Variants in MXRA5 observed in about 807,000 individuals in gnomAD.
The protein encoded by MXRA5 is matrix remodeling associated 5.
Under a neutral mutation model 112.5 loss-of-function variants are expected in MXRA5, and 41 were observed. That is an observed-to-expected ratio of 0.36 (90% CI 0.28 to 0.47). MXRA5 has a LOEUF of 0.47. Ranked by LOEUF, MXRA5 falls within the 20% of genes least tolerant of loss-of-function variation. The probability of loss-of-function intolerance (pLI) is 0.99; values close to 1 mark genes in which losing one functional copy is unlikely to be tolerated. For missense variants in MXRA5, 2,150 were observed against 2,251.0 expected (o/e 0.96, Z 0.91); for synonymous variants, 862 against 900.8 (o/e 0.96, Z 0.77).
At chrX:3,334,051 G>A (rs1260704864) in intron 2 of MXRA5, among the ~76,000 whole-genome samples, 2 of 111,448 alleles carry the variant, frequency 1.8e-5, no homozygotes, top group Non-Finnish European at 3.8e-5. Context: ...GCACAATCTT[G>A]GCTCACTGCA....
intron 4 of MXRA5, among the ~76,000 whole-genome samples, chrX:3,326,589 T>G: frequency 9.2e-6 from 1 of 108,629 alleles, no homozygotes; most frequent in Middle Eastern, 4.9e-3. Context: ...TATATCTATA[T>G]TTATAACTCT....
At chrX:3,330,554 G>A (rs1273177259) in intron 3 of MXRA5, 90 bp downstream of exon 3, 7 of 1,132,246 alleles carry the variant, frequency 6.2e-6, no homozygotes, top group Non-Finnish European at 8.2e-6. Context: ...CCGTTTTATT[G>A]ATCATTAAGG....
At chrX:3,313,595 G>A (rs1310545021) in intron 6 of MXRA5, among the ~76,000 whole-genome samples, 1 of 112,562 alleles carries the variant, frequency 8.9e-6, no homozygotes, top group Non-Finnish European at 1.9e-5. Flanking sequence ...GGCAGAGCCT[G>A]CTCTTTGACA....
chrX:3,309,618 G>C lies in MXRA5; in HGVS notation c.*98C>G, dbSNP rs1210417012. 4 of 730,472 alleles carry C rather than the reference G, an allele frequency of 5.5e-6. No individual in the cohort carries two copies. In the Admixed American group the frequency reaches 1.3e-4, roughly 23 times the overall value. The allele number at this position is 730,472 out of a possible 1,213,427, so 60.2% of individuals were successfully genotyped here. ...AACCCACCAGAGGCCACCATGCACT[G>C]TGACACATTATTTAAGAGCTCCTAT... On this transcript the variant is annotated 3_prime_UTR_variant, in exon 7 of 7. Coordinates refer to ENST00000217939, the MANE Select transcript of MXRA5 (RefSeq NM_015419.4).
Position 3,310,977 on chromosome X carries a change from T to C in MXRA5, c.7226A>G (p.Gln2409Arg). The C allele has an allele frequency of 2.5e-6, 3 of 1,211,657 alleles. No homozygotes were observed. The highest frequency in any genetic ancestry group is 3.4e-6 in the Non-Finnish European group (3 of 895,506). Residue 2409 changes from glutamine (Q) to arginine (R), a missense_variant, in exon 7 of 7, where the codon CAG becomes CGG. By Grantham distance (43) the Gln-to-Arg change is conservative. This residue lies in a region of MXRA5 where 1,485 missense variants were observed against 1,471.6 expected (regional missense o/e 1.01). Transcript: ENST00000217939. ...GGTGTAGTTGCCGCTGTCAGAACGC[T>C]GGGCTTTCTGAATAAGGAGAGTGCC... ...QDGTLLIQKA[Q>R]RSDSGNYTCL... is the part of the protein sequence containing the mutation.
In MXRA5 at chrX:3,311,491, C is replaced by A. The variant is rs1418695076; in HGVS notation, c.6712G>T (p.Val2238Leu). ...TCAATCTTGGCCGGTTTCATCACCA[C>A]ATCCACTTTGAGCACCACGTAGTCA... ...GDDYVVLKVDVVMKPAKIEHK... is the reference protein window; with the variant it reads ...GDDYVVLKVDLVMKPAKIEHK... The change falls in exon 7 of 7, where the codon GTG becomes TTG. Residue 2238 changes from valine to leucine, a missense_variant. Val to Leu is a conservative substitution (Grantham distance 32). Around this residue, in one of 6 missense-constraint regions of MXRA5, gnomAD observed 1,485 missense variants for 1,471.6 expected, o/e 1.01. Transcript: ENST00000217939. The A allele has an allele frequency of 8.3e-7, 1 of 1,210,197 alleles. No individual in the cohort carries two copies. Among genetic ancestry groups the A allele is most frequent in the East Asian group, 3.0e-5 (1 of 33,775 alleles).
chrX:3,343,150 C>A (rs1224058476), intron 2 of MXRA5, among the ~76,000 whole-genome samples: 1 of 112,458 alleles, frequency 8.9e-6, no homozygotes, highest in Non-Finnish European at 1.9e-5. Flanking sequence ...TTTAAAAAGA[C>A]GTTGATATTT....
At chrX:3,326,144 GTAATATATAATTTATAATTATAATTTA>G (rs1397652972) in intron 4 of MXRA5, among the ~76,000 whole-genome samples, 2 of 262 alleles carry the variant, frequency 7.6e-3, no homozygotes, top group Admixed American at 0.062. Flanking sequence ...TAAATTATAT[GTAATATATAATTTATAATTATAATTTA>G]TAATATATAA....
At chrX:3,331,728 T>C (rs1307057876) in intron 2 of MXRA5, among the ~76,000 whole-genome samples, 4 of 112,241 alleles carry the variant, frequency 3.6e-5, no homozygotes, top group Non-Finnish European at 7.5e-5. Flanking sequence ...TTTTAAATTT[T>C]TGGTTTTTTG....
rs760108956 is a variant in MXRA5 at position 3,320,571 on chromosome X, T to G, written c.5114A>C (p.Asn1705Thr). 1 of 1,210,385 alleles carries G rather than the reference T, an allele frequency of 8.3e-7. No individual in the cohort carries two copies. Among genetic ancestry groups the G allele is most frequent in the African/African-American group, 1.7e-5 (1 of 57,261 alleles). ...FNGYSKVFGN[N>T]NIPEARNPVG... ...TGGGTTTCTTGCCTCAGGGATGTTG[T>G]TATTTCCAAACACTTTGGAGTAGCC... The change falls in exon 5 of 7, where the codon AAC (asparagine) becomes ACC (threonine). Residue 1705 changes from asparagine (N) to threonine (T), a missense_variant. Physicochemically the swap from Asn to Thr is moderately conservative, Grantham distance 65 (BLOSUM62 0). Transcript: ENST00000217939.
At chrX:3,329,709 C>A (rs1181305699) in intron 4 of MXRA5, among the ~76,000 whole-genome samples, 1 of 111,693 alleles carries the variant, frequency 9.0e-6, no homozygotes, top group Non-Finnish European at 1.9e-5. Context: ...CATTAAGCTG[C>A]AGTCCAAGGC....
intron 6 of MXRA5, among the ~76,000 whole-genome samples, chrX:3,315,385 G>GA: frequency 5.2e-5 from 2 of 38,137 alleles, no homozygotes; most frequent in African/African-American, 3.6e-4. Context: ...TAGATAGATA[G>GA]ATAGATGATA....
rs1237250790 is a variant in MXRA5 at position 3,346,533 on chromosome X, C to T, written c.-47G>A. 1.1e-5 allele frequency: 8 copies of T among 753,220 alleles called. No homozygotes were observed. The highest frequency in any genetic ancestry group is 8.6e-5 in the Admixed American group (1 of 11,604). The allele number at this position is 753,220 out of a possible 1,213,427, so 62.1% of individuals were successfully genotyped here. A position where few individuals can be genotyped will look rare whatever the true frequency, so the allele number is the denominator to read the frequency against. On this transcript the variant is annotated 5_prime_UTR_variant, in exon 1 of 7. Coordinates refer to ENST00000217939, the MANE Select transcript of MXRA5 (RefSeq NM_015419.4). ...TCCTCACCTGTCCTTGGGAAGCCGC[C>T]GCACACGGGAGCGGTGCGCCGGGAG...
chrX:3,343,909 C>A, intron 1 of MXRA5, 48 bp from the exon 2 acceptor site: 1 of 1,043,721 alleles, frequency 9.6e-7, no homozygotes, highest in Admixed American at 3.1e-5. Context: ...GTAGCACCGA[C>A]GAACTGTGGG....
At chrX:3,341,899 A>G (rs1475441884) in intron 2 of MXRA5, among the ~76,000 whole-genome samples, 1 of 106,128 alleles carries the variant, frequency 9.4e-6, no homozygotes, top group African/African-American at 3.4e-5. Context: ...TTGCACACCA[A>G]GGGTGGAGGA....
rs1474756886 is a variant in MXRA5 at position 3,320,932 on chromosome X, T to A, written c.4753A>T (p.Ser1585Cys). The A allele has an allele frequency of 5.0e-6, 6 of 1,209,897 alleles. No homozygotes were observed. The highest frequency in any genetic ancestry group is 5.6e-6 in the Non-Finnish European group (5 of 895,149). Reference sequence around the variant, plus strand: ...TGGCTATCTGGGCCACGTGGTAGACTCCTACTACCAAATACTTGCTTTTCC... The same window carrying A: ...TGGCTATCTGGGCCACGTGGTAGACACCTACTACCAAATACTTGCTTTTCC... Reference protein sequence around the residue: ...ELEKQVFGSRSLPRGPDSQRQ... With the variant: ...ELEKQVFGSRCLPRGPDSQRQ... The change falls in exon 5 of 7, where the codon AGT becomes TGT. Residue 1585 changes from serine to cysteine, a missense_variant. This residue lies in a region of MXRA5 where 1,485 missense variants were observed against 1,471.6 expected (regional missense o/e 1.01). Coordinates refer to ENST00000217939, the MANE Select transcript of MXRA5 (RefSeq NM_015419.4).
Position 3,311,066 on chromosome X carries a change from A to G in MXRA5, c.7137T>C (p.Thr2379=). 1.7e-6 allele frequency: 2 copies of G among 1,211,592 alleles called. No individual in the cohort carries two copies. Among genetic ancestry groups the G allele is most frequent in the African/African-American group, 3.5e-5 (2 of 57,703 alleles). Residue 2379 remains threonine, a synonymous_variant, in exon 7 of 7, where the codon ACT becomes ACC. Transcript: ENST00000217939. The part of the protein sequence containing the change: ...EAKGEPMPKV[T]WLSPTNKVIP... ...TCACCTTGTTGGTTGGGGACAACCA[A>G]GTCACCTTGGGCATGGGTTCTCCTT...
intron 2 of MXRA5, among the ~76,000 whole-genome samples, chrX:3,335,610 C>T (rs1307872949): frequency 8.9e-6 from 1 of 112,525 alleles, no homozygotes; most frequent in Non-Finnish European, 1.9e-5. Flanking sequence ...TTGCGGATGG[C>T]ATCCTCAGAA....
At chrX:3,344,166 G>T (rs1272927345) in intron 1 of MXRA5, among the ~76,000 whole-genome samples, 2 of 105,977 alleles carry the variant, frequency 1.9e-5, no homozygotes, top group Non-Finnish European at 3.8e-5. Context: ...ACGAGAGAGA[G>T]AGAGAGAGAG....
Sources: allele counts gnomAD v4.1 joint callset (sites outside exome capture counted in the v4.1 genomes callset), GRCh38; gene constraint gnomAD v4.1.1; regional missense constraint gnomAD v4.1.1; transcripts MANE v1.5; gene names NCBI Gene and HGNC (gene_info 2026-07-23, HGNC 2026-07-21).